MTRF1: variants seen among roughly 807,000 people sequenced by gnomAD.
The protein encoded by MTRF1 is peptide chain release factor 1, mitochondrial.
In MTRF1, 51 loss-of-function variants were observed where a neutral mutation model predicts 62.9. That is an observed-to-expected ratio of 0.81 (90% CI 0.65 to 1.02). MTRF1 has a LOEUF of 1.02. Among genes scored for constraint, MTRF1 ranks in the 50% least tolerant of loss-of-function variants. MTRF1 has a pLI of 0.00. For synonymous variants in MTRF1, 158 were observed against 181.9 expected (o/e 0.87, Z 1.06); for missense variants, 446 against 530.0 (o/e 0.84, Z 1.56).
At chr13:41,264,230 G>A (rs186573287), upstream of MTRF1, among the ~76,000 whole-genome samples, 19 of 152,284 alleles carry the variant, frequency 1.2e-4, no homozygotes, top group East Asian at 3.7e-3. Flanking sequence ...TTTAAAAGTA[G>A]TAACAGCCCC....
chr13:41,301,108 G>A, the MTRF1 span, among the ~76,000 whole-genome samples: 800 of 152,286 alleles, frequency 5.3e-3, 5 homozygotes, highest in South Asian at 9.9e-3. Context: ...TAACAGTTAT[G>A]ATGAAATGAT....
At position 41,243,119 on chromosome 13, in the gene MTRF1, T is replaced by G. The variant is rs556853204; in HGVS notation, c.698-2686A>C. Among the ~76,000 whole-genome samples, 4 of 152,130 alleles carry G rather than the reference T, an allele frequency of 2.6e-5. No individual in the cohort carries two copies. In the South Asian group the frequency reaches 8.3e-4, roughly 32 times the overall value. On this transcript the variant is annotated intron_variant, in intron 5 of 9. Coordinates refer to ENST00000379480, the MANE Select transcript of MTRF1 (RefSeq NM_004294.4). ...CTGTCATCCCAGCTACTTAGGATGC[T>G]GAGGCAGAAGAATCGCTTGAACCTG...
chr13:41,307,286 C>CT, the MTRF1 span, among the ~76,000 whole-genome samples: 2 of 152,218 alleles, frequency 1.3e-5, no homozygotes, highest in African/African-American at 4.8e-5. Flanking sequence ...TTTCCCCTTG[C>CT]TGTTCTCATG....
At chr13:41,286,898 G>A in the MTRF1 span, among the ~76,000 whole-genome samples, 8 of 152,260 alleles carry the variant, frequency 5.3e-5, no homozygotes, top group South Asian at 8.3e-4. Flanking sequence ...TTATTGGTGC[G>A]TTAAATGGCA....
chr13:41,220,762 G>A, intron 9 of MTRF1: 1 of 429,748 alleles, frequency 2.3e-6, no homozygotes, highest in Non-Finnish European at 4.3e-6. Flanking sequence ...CTTTCTCTTG[G>A]TGGCTGAAAA....
At position 41,240,219 on chromosome 13, in the gene MTRF1, G is replaced by A. The variant is rs75721516; in HGVS notation, c.870+42C>T. 2.5e-3 allele frequency: 3,915 copies of A among 1,537,098 alleles called. 89 individuals are homozygous for A. In the African/African-American group the frequency reaches 0.047, roughly 19 times the overall value. ...AGCTAAGGCTTCCAGCACAATACCC[G>A]TTGACATGGAGTGAGTTTCCCTTGC... On this transcript the variant is annotated intron_variant, in intron 6 of 9. Transcript: ENST00000379480.
intron 5 of MTRF1, among the ~76,000 whole-genome samples, chr13:41,246,190 C>G (rs2038230884): frequency 6.6e-6 from 1 of 152,180 alleles, no homozygotes; most frequent in Non-Finnish European, 1.5e-5. Flanking sequence ...CCATTGCTTC[C>G]TTCTTCCTCC....
In MTRF1 at chr13:41,223,276, A is replaced by T. The variant is rs1253861600; in HGVS notation, c.1204T>A (p.Tyr402Asn). ...ATTACCTTAATATCACGAACTTCAT[A>T]TGCTATCCTGTGGTCACTGACTCTA... is the stretch of plus-strand genomic sequence containing the variant. ...QDRVSDHRIAYEVRDIKEFLC... is the reference protein window; with the variant it reads ...QDRVSDHRIANEVRDIKEFLC... The change falls in exon 9 of 10, where the codon TAT becomes AAT. Residue 402 changes from tyrosine to asparagine, a missense_variant. Transcript: ENST00000379480. 6.2e-7 allele frequency: 1 copy of T among 1,613,674 alleles called. No individual in the cohort carries two copies. Among genetic ancestry groups the T allele is most frequent in the Admixed American group, 1.7e-5 (1 of 59,998 alleles).
chr13:41,264,488 C>T (rs1210959587), upstream of MTRF1, among the ~76,000 whole-genome samples: 1 of 152,174 alleles, frequency 6.6e-6, no homozygotes, highest in Admixed American at 6.5e-5. Flanking sequence ...AATTTTTCTT[C>T]CTGAAAGAAA....
intron 9 of MTRF1, among the ~76,000 whole-genome samples, chr13:41,221,041 C>T (rs2033225925): frequency 6.6e-6 from 1 of 152,130 alleles, no homozygotes; most frequent in Non-Finnish European, 1.5e-5. Context: ...GTTCCAAAAA[C>T]GCTCACATTC....
rs58018698 is a variant in MTRF1, at chr13:41,255,214, G to GT, written c.416-595dup. ...GATACATTCATACTCAGTTCACATT[G>GT]TTTTTTTTTTAAGAGAGATGAGGAC... On this transcript the variant is annotated intron_variant, in intron 2 of 9. Coordinates refer to ENST00000379480, the MANE Select transcript of MTRF1 (RefSeq NM_004294.4). Among the ~76,000 whole-genome samples the GT allele has an allele frequency of 8.4e-3, 1,254 of 148,534 alleles. 15 individuals are homozygous for GT. Among genetic ancestry groups the GT allele is most frequent in the African/African-American group, 0.027 (1,078 of 40,620 alleles).
intron 6 of MTRF1, among the ~76,000 whole-genome samples, chr13:41,239,952 G>A (rs1413552861): frequency 6.6e-6 from 1 of 152,136 alleles, no homozygotes; most frequent in Non-Finnish European, 1.5e-5. Flanking sequence ...CCCGAGGTCA[G>A]GAGTTCGAGA....
chr13:41,296,937 T>A, the MTRF1 span, among the ~76,000 whole-genome samples: 1 of 152,192 alleles, frequency 6.6e-6, no homozygotes, highest in Non-Finnish European at 1.5e-5. Flanking sequence ...CATCCACAGC[T>A]GTTGTTTTGA....
chr13:41,221,813 G>A (rs1413705751), intron 9 of MTRF1, among the ~76,000 whole-genome samples: 7 of 99,036 alleles, frequency 7.1e-5, no homozygotes, highest in Non-Finnish European at 1.5e-4. Context: ...GGCTGTCTCC[G>A]AAAAAATTGT....
At chr13:41,230,563 CT>C (rs74788525) in intron 7 of MTRF1, among the ~76,000 whole-genome samples, 7,445 of 131,282 alleles carry the variant, frequency 0.057, 219 homozygotes, top group Middle Eastern at 0.14. Flanking sequence ...TGCACCGGGC[CT>C]TTTTTTTTTT....
chr13:41,246,844 T>G (rs1438337543), intron 5 of MTRF1, among the ~76,000 whole-genome samples: 1 of 152,252 alleles, frequency 6.6e-6, no homozygotes, highest in Non-Finnish European at 1.5e-5. Flanking sequence ...GTGACTTATT[T>G]GGCATAGATT....
chr13:41,273,109 G>A, the MTRF1 span, among the ~76,000 whole-genome samples: 2 of 151,814 alleles, frequency 1.3e-5, no homozygotes, highest in Non-Finnish European at 1.5e-5. Flanking sequence ...GGTGGATCAC[G>A]AGGTCAGGAG....
At chr13:41,224,298 TAC>T (rs1188637101) in intron 8 of MTRF1, among the ~76,000 whole-genome samples, 1 of 152,214 alleles carries the variant, frequency 6.6e-6, no homozygotes, top group Non-Finnish European at 1.5e-5. Flanking sequence ...TGTCTCATGC[TAC>T]AGTTATTTGC....
At chr13:41,304,807 T>A in the MTRF1 span, among the ~76,000 whole-genome samples, 1 of 152,148 alleles carries the variant, frequency 6.6e-6, no homozygotes, top group Non-Finnish European at 1.5e-5. Context: ...GCTATGAAAG[T>A]TGCAAAGTTA....
Sources: gnomAD v4.1 joint callset for allele counts (sites outside exome capture counted in the v4.1 genomes callset) on GRCh38, gnomAD v4.1.1 for gene constraint, MANE v1.5 for transcripts, NCBI Gene and HGNC (gene_info 2026-07-23, HGNC 2026-07-21) for gene names.